The following MARCO variants were observed in gnomAD, a reference collection of about 807,000 sequenced individuals.
The protein encoded by MARCO is macrophage receptor MARCO.
Under a neutral mutation model 70.0 loss-of-function variants are expected in MARCO, and 72 were observed. That is an observed-to-expected ratio of 1.03 (90% CI 0.85 to 1.25). The LOEUF is 1.25. Ranked by LOEUF, MARCO falls within the 50% of genes most tolerant of loss-of-function variation. MARCO has a pLI of 0.00. For missense variants in MARCO, 696 were observed against 659.3 expected (o/e 1.06, Z -0.61); for synonymous variants, 273 against 243.1 (o/e 1.12, Z -1.14).
At chr2:118,987,546 G>C (rs921558766) in intron 12 of MARCO, among the ~76,000 whole-genome samples, 1 of 152,174 alleles carries the variant, frequency 6.6e-6, no homozygotes, top group African/African-American at 2.4e-5. Context: ...TGTGGGTCTG[G>C]GAGGATTCAG....
chr2:118,964,831 C>T (rs533438618), intron 1 of MARCO, among the ~76,000 whole-genome samples: 3 of 148,906 alleles, frequency 2.0e-5, no homozygotes, highest in South Asian at 2.1e-4. Flanking sequence ...GAGGTTGAAG[C>T]GAGCAGAGAT....
intron 1 of MARCO, among the ~76,000 whole-genome samples, chr2:118,958,128 A>C (rs1431277735): frequency 6.6e-6 from 1 of 152,066 alleles, no homozygotes; most frequent in Non-Finnish European, 1.5e-5. Flanking sequence ...CCTCTTCAAC[A>C]TAGTGCTGAA....
Position 118,986,706 on chromosome 2 carries a change from AAAGAAAGAAAGAAAGAAAAG to A in MARCO, c.1064-3880_1064-3861del, listed in dbSNP as rs1391902007. 9.7e-5 allele frequency among the ~76,000 whole-genome samples: 10 copies of A among 103,010 alleles called. 2 individuals are homozygous for A. Among genetic ancestry groups the A allele is most frequent in the African/African-American group, 1.7e-4 (4 of 23,102 alleles). The allele number at this position is 103,010 out of a possible 152,430, so 67.6% of individuals were successfully genotyped here. ...GAAAGAAAGAAAGAAAGAAAGAAAG[AAAGAAAGAAAGAAAGAAAAG>A]AAAGAAAGAAAGAGAAAGAAAGAGA... is the stretch of plus-strand genomic sequence containing the variant. On this transcript the variant is annotated intron_variant, in intron 12 of 16. Coordinates refer to ENST00000327097, the MANE Select transcript of MARCO (RefSeq NM_006770.4).
chr2:118,977,778 G>A (rs1201044825), intron 7 of MARCO, 50 bp from the exon 8 acceptor site: 1 of 1,429,632 alleles, frequency 7.0e-7, no homozygotes, highest in Non-Finnish European at 9.7e-7. Flanking sequence ...CTGGTAGCCT[G>A]TCCCCAAAAG....
intron 1 of MARCO, among the ~76,000 whole-genome samples, chr2:118,948,696 C>T (rs1317605909): frequency 6.6e-6 from 1 of 152,134 alleles, no homozygotes; most frequent in African/African-American, 2.4e-5. Context: ...CTTAACATGT[C>T]TTGGCTTAGT....
chr2:118,962,759 C>G (rs1472968862), intron 1 of MARCO, among the ~76,000 whole-genome samples: 2 of 151,946 alleles, frequency 1.3e-5, no homozygotes, highest in Non-Finnish European at 2.9e-5. Context: ...TTTCTGGGAG[C>G]TTTTAAATTA....
At chr2:118,974,658 G>C in intron 6 of MARCO, 93 bp downstream of exon 6, 1 of 1,211,010 alleles carries the variant, frequency 8.3e-7, no homozygotes, top group South Asian at 1.4e-5. Context: ...TCCAGAGTCT[G>C]GACCTCTGAG....
chr2:118,958,131 G>C (rs1679872899), intron 1 of MARCO, among the ~76,000 whole-genome samples: 1 of 151,830 alleles, frequency 6.6e-6, no homozygotes. Context: ...CTTCAACATA[G>C]TGCTGAAAGT....
chr2:118,977,663 G>C, intron 7 of MARCO, 148 bp downstream of exon 7: 1 of 839,192 alleles, frequency 1.2e-6, no homozygotes, highest in Non-Finnish European at 1.9e-6. Flanking sequence ...CTTGAGTCCT[G>C]TCACATTTCT....
At chr2:118,977,072 CA>C (rs1473862049) in intron 6 of MARCO, among the ~76,000 whole-genome samples, 1 of 152,208 alleles carries the variant, frequency 6.6e-6, no homozygotes, top group East Asian at 1.9e-4. Context: ...TCTAGTCTCA[CA>C]AGAGCAGGAA....
intron 12 of MARCO, among the ~76,000 whole-genome samples, chr2:118,986,174 T>C (rs1438109472): frequency 2.6e-5 from 4 of 152,190 alleles, no homozygotes; most frequent in Non-Finnish European, 5.9e-5. Context: ...TTTGCAGAAG[T>C]CTACACATAC....
chr2:118,970,275 A>T lies in MARCO; in HGVS notation c.361A>T (p.Thr121Ser). The T allele has an allele frequency of 6.2e-7, 1 of 1,613,938 alleles. No individual in the cohort carries two copies. The highest frequency in any genetic ancestry group is 8.5e-7 in the Non-Finnish European group (1 of 1,179,994). ...SRLQVLQAQL[T>S]WVRVSHEHLL... ...GCTGCAAGTCCTGCAGGCCCAACTC[A>T]CCTGGGTCCGCGTCAGCCATGAGCA... Residue 121 changes from threonine (T) to serine (S), a missense_variant, in exon 3 of 17, where the codon ACC becomes TCC. Physicochemically the swap from Thr to Ser is moderately conservative, Grantham distance 58. Coordinates refer to ENST00000327097, the MANE Select transcript of MARCO (RefSeq NM_006770.4).
At chr2:118,966,186 A>AATT (rs1680044000) in intron 1 of MARCO, among the ~76,000 whole-genome samples, 1 of 152,092 alleles carries the variant, frequency 6.6e-6, no homozygotes, top group Non-Finnish European at 1.5e-5. Context: ...AGACTTGAAA[A>AATT]ATTATTTTTA....
At chr2:118,964,825 T>C (rs1219485896) in intron 1 of MARCO, among the ~76,000 whole-genome samples, 2 of 151,054 alleles carry the variant, frequency 1.3e-5, no homozygotes, top group East Asian at 1.9e-4. Flanking sequence ...GAGATGGAGG[T>C]TGAAGCGAGC....
chr2:118,951,639 G>T (rs1336905390), intron 1 of MARCO, among the ~76,000 whole-genome samples: 2 of 152,218 alleles, frequency 1.3e-5, no homozygotes, highest in African/African-American at 4.8e-5. Flanking sequence ...AGTGCTTTCG[G>T]GCTACGCCCC....
At chr2:118,993,509 C>T (rs550978241) in intron 16 of MARCO, among the ~76,000 whole-genome samples, 8 of 152,354 alleles carry the variant, frequency 5.3e-5, no homozygotes, top group East Asian at 1.9e-4. Context: ...TCTTCTCCAG[C>T]GCTGACAGTG....
At chr2:118,944,420 C>T (rs780898369) in intron 1 of MARCO, among the ~76,000 whole-genome samples, 8 of 152,254 alleles carry the variant, frequency 5.3e-5, no homozygotes, top group South Asian at 2.1e-4. Flanking sequence ...AACACAGTGA[C>T]CCCTCAGGGC....
At chr2:118,971,134 A>G (rs1680160238) in intron 3 of MARCO, among the ~76,000 whole-genome samples, 1 of 152,178 alleles carries the variant, frequency 6.6e-6, no homozygotes, top group Admixed American at 6.5e-5. Flanking sequence ...GTTCAGACAC[A>G]GACACCATGG....
At chr2:118,942,933 G>T (rs1447740243) in intron 1 of MARCO, among the ~76,000 whole-genome samples, 1 of 152,176 alleles carries the variant, frequency 6.6e-6, no homozygotes, top group Non-Finnish European at 1.5e-5. Flanking sequence ...TTAAACTCAG[G>T]TCTGTAATAT....
Sources: gnomAD v4.1 joint callset for allele counts (sites outside exome capture counted in the v4.1 genomes callset) on GRCh38, gnomAD v4.1.1 for gene constraint, MANE v1.5 for transcripts, NCBI Gene and HGNC (gene_info 2026-07-23, HGNC 2026-07-21) for gene names.